ULK4: variants seen among roughly 807,000 people sequenced by gnomAD.
ULK4 encodes the protein unc-51 like kinase 4.
A neutral mutation model predicts 160.6 loss-of-function variants in ULK4; 133 were observed. That is an observed-to-expected ratio of 0.83 (90% CI 0.72 to 0.96). ULK4 has a LOEUF of 0.96. Among genes scored for constraint, ULK4 ranks in the 40% least tolerant of loss-of-function variants. The pLI is 0.00. For missense variants in ULK4, 1,580 were observed against 1,499.5 expected, an observed-to-expected ratio of 1.05 and a Z score of -0.89; for synonymous variants, 534 against 539.8, an observed-to-expected ratio of 0.99 and a Z score of 0.15.
intron 17 of ULK4, among the ~76,000 whole-genome samples, chr3:41,842,703 G>C (rs1045210297): frequency 6.6e-6 from 1 of 152,192 alleles, no homozygotes; most frequent in East Asian, 1.9e-4. Context: ...CTGGCACCAT[G>C]CTTCTTCTAT....
intron 32 of ULK4, among the ~76,000 whole-genome samples, chr3:41,499,506 C>T (rs769900836): frequency 6.6e-6 from 1 of 152,190 alleles, no homozygotes; most frequent in African/African-American, 2.4e-5. Flanking sequence ...TTTTATTGAT[C>T]GGCACAAAAT....
chr3:41,495,112 T>C (rs1178331886), intron 32 of ULK4, among the ~76,000 whole-genome samples: 3 of 152,276 alleles, frequency 2.0e-5, no homozygotes, highest in East Asian at 3.9e-4. Flanking sequence ...AAAAAGAGCC[T>C]GCATCACCAA....
chr3:41,858,143 GTTTGTTTTT>G (rs1559612331), intron 17 of ULK4, among the ~76,000 whole-genome samples: 6 of 74,818 alleles, frequency 8.0e-5, no homozygotes, highest in African/African-American at 5.8e-4. Context: ...GGTTTTTTTT[GTTTGTTTTT>G]TTTTTTTTTT....
chr3:41,862,157 T>A (rs2042512350), intron 17 of ULK4, among the ~76,000 whole-genome samples: 1 of 152,006 alleles, frequency 6.6e-6, no homozygotes, highest in African/African-American at 2.4e-5. Context: ...TCTCTTCTGC[T>A]TAATAAATTC....
chr3:41,784,779 A>G (rs1344761311), intron 21 of ULK4, among the ~76,000 whole-genome samples: 2 of 152,252 alleles, frequency 1.3e-5, no homozygotes, highest in Non-Finnish European at 2.9e-5. Flanking sequence ...TTCAATACAT[A>G]AACATCCACT....
At chr3:41,912,986 AT>A (rs1366188895) in intron 8 of ULK4, 87 bp from the exon 9 acceptor site, 2 of 1,171,522 alleles carry the variant, frequency 1.7e-6, no homozygotes, top group African/African-American at 1.5e-5. Flanking sequence ...CACATAGCAG[AT>A]TTTACAAGGT....
intron 17 of ULK4, among the ~76,000 whole-genome samples, chr3:41,868,410 G>A (rs956393146): frequency 4.6e-5 from 7 of 152,036 alleles, no homozygotes; most frequent in African/African-American, 1.7e-4. Context: ...CTTGTTACTA[G>A]TGTTTCCATG....
At chr3:41,815,076 T>C (rs531532361) in intron 19 of ULK4, among the ~76,000 whole-genome samples, 2 of 152,234 alleles carry the variant, frequency 1.3e-5, no homozygotes, top group Admixed American at 1.3e-4. Flanking sequence ...GCCCGACTAA[T>C]TTTTGTATTT....
intron 20 of ULK4, among the ~76,000 whole-genome samples, chr3:41,798,923 A>G (rs1575727830): frequency 6.6e-6 from 1 of 152,158 alleles, no homozygotes; most frequent in East Asian, 1.9e-4. Context: ...CTGAAAAGAG[A>G]AGGAACAGCT....
At chr3:41,929,482 T>C (rs1699508673) in intron 5 of ULK4, among the ~76,000 whole-genome samples, 1 of 152,154 alleles carries the variant, frequency 6.6e-6, no homozygotes, top group Non-Finnish European at 1.5e-5. Flanking sequence ...GTATTGGAAG[T>C]TCTGGTCAGG....
chr3:41,631,807 C>T (rs146121514), intron 30 of ULK4, among the ~76,000 whole-genome samples: 6 of 151,918 alleles, frequency 3.9e-5, no homozygotes, highest in Non-Finnish European at 8.8e-5. Flanking sequence ...TATGAAGCAC[C>T]TCTGACTCCT....
At chr3:41,297,481 C>A (rs2079693167) in intron 35 of ULK4, among the ~76,000 whole-genome samples, 1 of 152,208 alleles carries the variant, frequency 6.6e-6, no homozygotes, top group Non-Finnish European at 1.5e-5. Context: ...AGTGGAGTGG[C>A]AGAACCTTTT....
intron 34 of ULK4, among the ~76,000 whole-genome samples, chr3:41,435,585 A>G (rs990658770): frequency 3.3e-5 from 5 of 152,208 alleles, no homozygotes; most frequent in Admixed American, 1.3e-4. Flanking sequence ...TATGCATACA[A>G]TTACTTTTGG....
At chr3:41,845,091 G>A (rs998763590) in intron 17 of ULK4, among the ~76,000 whole-genome samples, 26 of 151,448 alleles carry the variant, frequency 1.7e-4, no homozygotes, top group African/African-American at 5.8e-4. Context: ...TCAGCCTCCC[G>A]AGTAGCTGGG....
At chr3:41,607,262 A>G (rs754976097) in intron 31 of ULK4, among the ~76,000 whole-genome samples, 80 of 152,290 alleles carry the variant, frequency 5.3e-4, no homozygotes, top group Non-Finnish European at 1.0e-3. Context: ...CATTCCTTAC[A>G]ACAAAATTAT....
intron 31 of ULK4, among the ~76,000 whole-genome samples, chr3:41,597,399 G>A (rs1314667239): frequency 6.6e-6 from 1 of 152,094 alleles, no homozygotes; most frequent in African/African-American, 2.4e-5. Context: ...TCAAGACACG[G>A]CAAATTTTAC....
intron 32 of ULK4, among the ~76,000 whole-genome samples, chr3:41,490,017 G>C (rs991516651): frequency 1.3e-5 from 2 of 152,110 alleles, no homozygotes; most frequent in African/African-American, 4.8e-5. Context: ...TTGAAACCTT[G>C]GTGGCAATGC....
intron 21 of ULK4, among the ~76,000 whole-genome samples, chr3:41,760,733 T>G (rs550256910): frequency 1.3e-5 from 2 of 152,218 alleles, no homozygotes; most frequent in African/African-American, 4.8e-5. Context: ...CCAAGATTTC[T>G]CATTATTTAT....
rs1700429366 is a variant in ULK4, at chr3:41,954,818, A to G, written c.-48-11T>C. 6.7e-7 allele frequency: 1 copy of G among 1,499,022 alleles called. No homozygotes were observed. The highest frequency in any genetic ancestry group is 2.2e-5 in the Admixed American group (1 of 45,754). The allele number at this position is 1,499,022 out of a possible 1,614,324, so 92.9% of individuals were successfully genotyped here. A position where few individuals can be genotyped will look rare whatever the true frequency, so the allele number is the denominator to read the frequency against. ...CAGCATCTCTAGCTCCTAAGAAGTA[A>G]ACAAAAATGACATTGATAAATGCAA... is the stretch of plus-strand genomic sequence containing the variant. On this transcript the variant is annotated splice_polypyrimidine_tract_variant and intron_variant, in intron 1 of 36. Transcript: ENST00000301831.
Sources: gnomAD v4.1 joint callset for allele counts (sites outside exome capture counted in the v4.1 genomes callset) on GRCh38, gnomAD v4.1.1 for gene constraint, MANE v1.5 for transcripts, NCBI Gene and HGNC (gene_info 2026-07-23, HGNC 2026-07-21) for gene names.